The following ANKRD42 variants were observed in gnomAD, a reference collection of about 807,000 sequenced individuals.
The protein encoded by ANKRD42 is ankyrin repeat domain-containing protein 42.
Under a neutral mutation model 51.5 loss-of-function variants are expected in ANKRD42, and 43 were observed. That is an observed-to-expected ratio of 0.83 (90% CI 0.65 to 1.08). The LOEUF is 1.08. Ranked by LOEUF, ANKRD42 falls within the 50% of genes least tolerant of loss-of-function variation. ANKRD42 has a pLI of 0.00. For synonymous variants in ANKRD42, 203 were observed against 213.0 expected (o/e 0.95, Z 0.41); for missense variants, 608 against 629.3 (o/e 0.97, Z 0.36).
downstream of ANKRD42, chr11:83,261,035 A>C (rs1863904159): frequency 6.6e-6 from 1 of 152,174 alleles, no homozygotes; most frequent in Admixed American, 6.6e-5. Context: ...ATCAGAGCTC[A>C]ATATTTAGCA....
At chr11:83,209,687 T>G in intron 3 of ANKRD42, 1 of 735,884 alleles carries the variant, frequency 1.4e-6, no homozygotes, top group Non-Finnish European at 2.5e-6. Flanking sequence ...CTGTCCTTAC[T>G]TCCTAACATC....
At chr11:83,232,426 T>C (rs1485932157) in intron 7 of ANKRD42, among the ~76,000 whole-genome samples, 1 of 152,210 alleles carries the variant, frequency 6.6e-6, no homozygotes, top group Non-Finnish European at 1.5e-5. Context: ...GCTACTGATT[T>C]TTGTAAGTTG....
chr11:83,252,106 G>A (rs474747), downstream of ANKRD42, among the ~76,000 whole-genome samples: 41,872 of 152,132 alleles, frequency 0.28, 5,958 homozygotes, highest in Middle Eastern at 0.41. Context: ...CAAGACTTGT[G>A]TAGGCATTTC....
intron 9 of ANKRD42, among the ~76,000 whole-genome samples, chr11:83,244,836 T>C (rs1244020534): frequency 6.6e-6 from 1 of 152,188 alleles, no homozygotes; most frequent in African/African-American, 2.4e-5. Context: ...TATATTTCAG[T>C]TTTTCTAATT....
chr11:83,247,362 C>T (rs1863574950), intron 10 of ANKRD42, among the ~76,000 whole-genome samples: 2 of 152,146 alleles, frequency 1.3e-5, no homozygotes, highest in African/African-American at 4.8e-5. Flanking sequence ...AGCCACCGCG[C>T]CTGGCCTCCC....
At chr11:83,236,337 A>T in intron 7 of ANKRD42, 67 bp from the exon 8 acceptor site, 1 of 1,375,748 alleles carries the variant, frequency 7.3e-7, no homozygotes, top group Non-Finnish European at 9.9e-7. Context: ...CCAAAATTTT[A>T]GAAAATTGTT....
At chr11:83,230,036 A>T (rs1414434407) in intron 7 of ANKRD42, among the ~76,000 whole-genome samples, 1 of 152,118 alleles carries the variant, frequency 6.6e-6, no homozygotes, top group Non-Finnish European at 1.5e-5. Flanking sequence ...ATGTACAATT[A>T]AGTTATTATT....
chr11:83,204,649 GA>G (rs1359795019), intron 2 of ANKRD42, among the ~76,000 whole-genome samples: 1 of 151,342 alleles, frequency 6.6e-6, no homozygotes, highest in Non-Finnish European at 1.5e-5. Context: ...AAAAAAAAAA[GA>G]AAATGAAGCT....
At chr11:83,261,908 A>T, downstream of ANKRD42, 2 of 1,601,494 alleles carry the variant, frequency 1.2e-6, no homozygotes, top group Non-Finnish European at 1.7e-6. Flanking sequence ...ATGAGCATTA[A>T]TACTACTTCC....
chr11:83,248,288 T>G lies in ANKRD42; in HGVS notation c.*84T>G, dbSNP rs1863603264. The G allele has an allele frequency of 7.2e-7, 1 of 1,395,052 alleles. No homozygotes were observed. The highest frequency in any genetic ancestry group is 1.7e-5 in the African/African-American group (1 of 57,800). 86.4% of individuals were successfully genotyped at this position (1,395,052 alleles called of 1,614,324 possible). ...TACTTTCTAGAGCTGATGACAGGAT[T>G]AAAGGAATACACACACACACACACA... On this transcript the variant is annotated 3_prime_UTR_variant, in exon 11 of 11. Coordinates refer to ENST00000533342, the MANE Select transcript of ANKRD42 (RefSeq NM_001300975.2).
intron 9 of ANKRD42, among the ~76,000 whole-genome samples, chr11:83,242,568 T>TTTTTTTTTTGTTTG (rs1554998950): frequency 2.1e-5 from 1 of 47,342 alleles, no homozygotes; most frequent in East Asian, 4.7e-4. Flanking sequence ...GGTAGTTAAG[T>TTTTTTTTTTGTTTG]TTTTTTTTTT....
chr11:83,227,610 A>G (rs1176715365), intron 6 of ANKRD42, 137 bp from the exon 7 acceptor site: 4 of 736,468 alleles, frequency 5.4e-6, no homozygotes, highest in South Asian at 4.2e-5. Context: ...TTTTACTGGT[A>G]GTCATCAACT....
At chr11:83,196,890 C>T (rs1364713613) in intron 1 of ANKRD42, among the ~76,000 whole-genome samples, 1 of 152,124 alleles carries the variant, frequency 6.6e-6, no homozygotes, top group Non-Finnish European at 1.5e-5. Context: ...GTAGCAGTGA[C>T]CAACCAGTGG....
At chr11:83,218,690 T>G (rs575329426) in intron 5 of ANKRD42, among the ~76,000 whole-genome samples, 1 of 152,280 alleles carries the variant, frequency 6.6e-6, no homozygotes, top group East Asian at 1.9e-4. Context: ...TGGGGTGCCT[T>G]TAACACTTCG....
downstream of ANKRD42, chr11:83,261,851 A>G (rs373174461): frequency 1.6e-6 from 2 of 1,250,144 alleles, no homozygotes; most frequent in Non-Finnish European, 2.3e-6. Context: ...TGTTCAAAGT[A>G]AATCTCTCCC....
downstream of ANKRD42, chr11:83,262,113 A>T: frequency 1.8e-6 from 1 of 545,852 alleles, no homozygotes. Context: ...CTAGACAATT[A>T]AGTATGAAAG....
intron 7 of ANKRD42, among the ~76,000 whole-genome samples, chr11:83,230,203 T>C (rs1419315749): frequency 6.6e-6 from 1 of 151,842 alleles, no homozygotes; most frequent in East Asian, 1.9e-4. Context: ...AGGCACATGC[T>C]ACTATGCCTG....
chr11:83,202,615 C>T lies in ANKRD42; in HGVS notation c.223-3443C>T, dbSNP rs528965986. On this transcript the variant is annotated intron_variant, in intron 2 of 10. Transcript: ENST00000533342. ...ATGCTGTTTCATCTGCCTGTCTCAT[C>T]TCTTCCCACTGGTTACCTGGTTGAA... Among the ~76,000 whole-genome samples the T allele has an allele frequency of 4.6e-5, 7 of 152,336 alleles. 1 individual carries two copies. Among genetic ancestry groups the T allele is most frequent in the African/African-American group, 1.4e-4 (6 of 41,584 alleles).
At chr11:83,217,068 G>A (rs1436922637) in intron 5 of ANKRD42, among the ~76,000 whole-genome samples, 4 of 152,198 alleles carry the variant, frequency 2.6e-5, no homozygotes, top group African/African-American at 7.2e-5. Flanking sequence ...GGTTCCATTT[G>A]TAATACCATT....
Sources: allele counts gnomAD v4.1 joint callset (sites outside exome capture counted in the v4.1 genomes callset), GRCh38; gene constraint gnomAD v4.1.1; transcripts MANE v1.5; gene names NCBI Gene and HGNC (gene_info 2026-07-23, HGNC 2026-07-21).